Variants in AK7 observed in about 807,000 individuals in gnomAD.
The protein encoded by AK7 is adenylate kinase 7, also known as ATP-AMP transphosphorylase 7.
In AK7, 78 loss-of-function variants were observed where a neutral mutation model predicts 96.6. The ratio of observed to expected loss-of-function variants is 0.81; its 90% CI spans 0.67 to 0.97. The LOEUF (loss-of-function observed/expected upper bound fraction) is 0.97, where lower values mean the gene tolerates loss of function less well. Ranked by LOEUF, AK7 falls within the 50% of genes least tolerant of loss-of-function variation. The pLI, the probability that AK7 is intolerant of heterozygous loss-of-function variation, is 0.00. For missense variants in AK7, 855 were observed against 887.9 expected (o/e 0.96, Z 0.47); for synonymous variants, 302 against 317.2 (o/e 0.95, Z 0.51).
At chr14:96,481,810 T>C (rs1028362579) in intron 15 of AK7, among the ~76,000 whole-genome samples, 3 of 151,036 alleles carry the variant, frequency 2.0e-5, no homozygotes, top group African/African-American at 7.3e-5. Context: ...GTTCAAGTGA[T>C]CCTCCTGCCT....
At chr14:96,477,212 G>A (rs992515642) in intron 14 of AK7, among the ~76,000 whole-genome samples, 3 of 152,112 alleles carry the variant, frequency 2.0e-5, no homozygotes, top group African/African-American at 7.2e-5. Flanking sequence ...TATTCCACAC[G>A]CTGTCTCAGC....
In AK7 at chr14:96,446,511, C is replaced by T; in HGVS notation, c.780-6C>T. 1.9e-6 allele frequency: 3 copies of T among 1,613,636 alleles called. No individual in the cohort carries two copies. The highest frequency in any genetic ancestry group is 2.5e-6 in the Non-Finnish European group (3 of 1,179,548). ...TTTGATGATTATTTTACCTGTGGGTCTGCAGAGTGATACAAAACGTCATAG... is the reference window on the plus strand; with the variant it reads ...TTTGATGATTATTTTACCTGTGGGTTTGCAGAGTGATACAAAACGTCATAG... On this transcript the variant is annotated splice_region_variant and splice_polypyrimidine_tract_variant and intron_variant, in intron 7 of 17. Transcript: ENST00000267584.
chr14:96,436,882 C>T (rs778725095), intron 5 of AK7, among the ~76,000 whole-genome samples: 3 of 152,110 alleles, frequency 2.0e-5, no homozygotes, highest in Admixed American at 6.6e-5. Flanking sequence ...AGGAGTCCCT[C>T]GCTGTCCAGT....
chr14:96,450,869 G>A (rs2140111445), intron 9 of AK7, among the ~76,000 whole-genome samples: 1 of 150,858 alleles, frequency 6.6e-6, no homozygotes, highest in East Asian at 2.0e-4. Flanking sequence ...CCACCTCCCG[G>A]GTTCACGCCA....
At chr14:96,433,426 T>C (rs987437929) in intron 5 of AK7, among the ~76,000 whole-genome samples, 1 of 152,166 alleles carries the variant, frequency 6.6e-6, no homozygotes, top group African/African-American at 2.4e-5. Flanking sequence ...AATCTGACCT[T>C]CAATCACTGA....
At chr14:96,467,415 A>C (rs564382782) in intron 12 of AK7, among the ~76,000 whole-genome samples, 1 of 151,590 alleles carries the variant, frequency 6.6e-6, no homozygotes, top group South Asian at 2.1e-4. Flanking sequence ...GGCTCACTGC[A>C]ACCTCTGCTT....
At chr14:96,427,565 G>C (rs1167907951) in intron 5 of AK7, among the ~76,000 whole-genome samples, 1 of 152,156 alleles carries the variant, frequency 6.6e-6, no homozygotes, top group Non-Finnish European at 1.5e-5. Flanking sequence ...CGTGAGATTT[G>C]GGTGGGAACA....
chr14:96,409,818 G>A (rs964672484), intron 4 of AK7, among the ~76,000 whole-genome samples: 10 of 152,168 alleles, frequency 6.6e-5, no homozygotes, highest in African/African-American at 2.4e-4. Flanking sequence ...CTGTGCCTTT[G>A]TGCCTATGCA....
At chr14:96,436,680 G>T (rs1266812668) in intron 5 of AK7, among the ~76,000 whole-genome samples, 1 of 152,052 alleles carries the variant, frequency 6.6e-6, no homozygotes, top group African/African-American at 2.4e-5. Context: ...AAAAACTCCT[G>T]TCTTCTTGCA....
chr14:96,434,422 GTCTCTCTCTCTCTC>G (rs3077780), intron 5 of AK7, among the ~76,000 whole-genome samples: 19 of 149,420 alleles, frequency 1.3e-4, no homozygotes, highest in Non-Finnish European at 1.8e-4. Context: ...CTGTCTGTCT[GTCTCTCTCTCTCTC>G]TCTCTCTCTC....
At chr14:96,465,459 G>A (rs551747563) in intron 12 of AK7, among the ~76,000 whole-genome samples, 12 of 144,658 alleles carry the variant, frequency 8.3e-5, no homozygotes, top group South Asian at 2.1e-4. Flanking sequence ...CGAAGACTCC[G>A]TTTAAAAAAA....
At chr14:96,393,454 A>G (rs1219827881) in intron 1 of AK7, among the ~76,000 whole-genome samples, 2 of 152,258 alleles carry the variant, frequency 1.3e-5, no homozygotes, top group Non-Finnish European at 2.9e-5. Flanking sequence ...CAGAAGTCCA[A>G]GATCAAGGTG....
intron 12 of AK7, among the ~76,000 whole-genome samples, chr14:96,468,207 CCT>C (rs1401197353): frequency 1.5e-5 from 2 of 136,270 alleles, no homozygotes; most frequent in African/African-American, 5.9e-5. Flanking sequence ...GACAGGAGAC[CCT>C]GTCTCAAAAA....
intron 5 of AK7, among the ~76,000 whole-genome samples, chr14:96,423,318 T>G (rs1891822649): frequency 6.6e-6 from 1 of 152,172 alleles, no homozygotes; most frequent in South Asian, 2.1e-4. Flanking sequence ...CAACCAATCC[T>G]TATTTATTTA....
chr14:96,464,452 C>T (rs755442743), intron 12 of AK7, among the ~76,000 whole-genome samples: 4 of 143,634 alleles, frequency 2.8e-5, no homozygotes, highest in Admixed American at 7.6e-5. Flanking sequence ...TTGGCGGGGA[C>T]ACAGGAGGAT....
At chr14:96,465,195 C>G (rs1296400259) in intron 12 of AK7, among the ~76,000 whole-genome samples, 9 of 152,230 alleles carry the variant, frequency 5.9e-5, no homozygotes, top group Admixed American at 5.9e-4. Context: ...GGTGCCGTGG[C>G]TCACGCCTGT....
intron 12 of AK7, among the ~76,000 whole-genome samples, chr14:96,458,934 A>AAAAAG (rs1894099411): frequency 8.0e-6 from 1 of 124,990 alleles, no homozygotes; most frequent in Admixed American, 8.9e-5. Context: ...AAAAAAAAAA[A>AAAAAG]AAAAGGTGAA....
At position 96,486,981 on chromosome 14, in the gene AK7, C is replaced by A; in HGVS notation, c.2058C>A (p.Thr686=). The A allele has an allele frequency of 6.2e-7, 1 of 1,614,078 alleles. No homozygotes were observed. Among genetic ancestry groups the A allele is most frequent in the South Asian group, 1.1e-5 (1 of 91,088 alleles). ...TTCCCCTGAGAAACTATTTAATGAC[C>A]TATGTGATGCCAACTCTTATTCAGG... ...QSIPLRNYLM[T]YVMPTLIQGL... Residue 686 remains threonine, a synonymous_variant, in exon 17 of 18, where the codon ACC becomes ACA. Coordinates refer to ENST00000267584, the MANE Select transcript of AK7 (RefSeq NM_152327.5).
intron 5 of AK7, among the ~76,000 whole-genome samples, chr14:96,437,326 A>C (rs148443501): frequency 0.021 from 3,128 of 152,196 alleles, 50 homozygotes; most frequent in Non-Finnish European, 0.03. Context: ...GCACCCCCAT[A>C]AATCTATATA....
Sources: allele counts gnomAD v4.1 joint callset (sites outside exome capture counted in the v4.1 genomes callset), GRCh38; gene constraint gnomAD v4.1.1; transcripts MANE v1.5; gene names NCBI Gene and HGNC (gene_info 2026-07-23, HGNC 2026-07-21).